Variants in STIP1 observed in about 807,000 individuals in gnomAD.
STIP1 encodes stress induced phosphoprotein 1.
Under a neutral mutation model 77.4 loss-of-function variants are expected in STIP1, and 16 were observed. The ratio of observed to expected loss-of-function variants is 0.21; its 90% CI spans 0.14 to 0.31. The LOEUF (loss-of-function observed/expected upper bound fraction) is 0.31, where lower values mean the gene tolerates loss of function less well. STIP1 is among the 10% of genes least tolerant of loss of function. The probability of loss-of-function intolerance (pLI) is 1.00; values close to 1 mark genes in which losing one functional copy is unlikely to be tolerated. For missense variants in STIP1, 524 were observed against 684.8 expected (o/e 0.77, Z 2.62); for synonymous variants, 258 against 246.6 (o/e 1.05, Z -0.44).
At chr11:64,197,010 AAAG>A (rs1417849343) in intron 5 of STIP1, 4 of 445,780 alleles carry the variant, frequency 9.0e-6, no homozygotes, top group African/African-American at 8.0e-5. Flanking sequence ...CCTCTCCCCT[AAAG>A]AAGCGCTCTG....
At position 64,192,587 on chromosome 11, in the gene STIP1, C is replaced by T. The variant is rs1405123031; in HGVS notation, c.10-491C>T. 2.0e-5 allele frequency among the ~76,000 whole-genome samples: 3 copies of T among 152,344 alleles called. No homozygotes were observed. The East Asian group carries it at 5.8e-4, about 29-fold the overall frequency. On this transcript the variant is annotated intron_variant, in intron 1 of 13. Coordinates refer to ENST00000305218, the MANE Select transcript of STIP1 (RefSeq NM_006819.3). ...AGATGACAACTATGCCATAGGCAAG[C>T]ATCTTGCCGCTCCCAAGAAAGAGAA... is the stretch of plus-strand genomic sequence containing the variant.
rs1178209658 is a variant in STIP1, at chr11:64,200,255, T to C, written c.1207T>C (p.Cys403Arg). 6.2e-7 allele frequency: 1 copy of C among 1,613,928 alleles called. No homozygotes were observed. Among genetic ancestry groups the C allele is most frequent in the Non-Finnish European group, 8.5e-7 (1 of 1,179,984 alleles). ...DAKLYSNRAA[C>R]YTKLLEFQLA... is the part of the protein sequence containing the mutation. ...CAAATTATACAGCAATCGAGCTGCC[T>C]GCTACACCAAACTCCTGGAGTTCCA... The change falls in exon 10 of 14, where the codon TGC becomes CGC. Residue 403 changes from cysteine to arginine, a missense_variant. Cys to Arg is a radical substitution (Grantham distance 180). Coordinates refer to ENST00000305218, the MANE Select transcript of STIP1 (RefSeq NM_006819.3).
At position 64,203,160 on chromosome 11, in the gene STIP1, G is replaced by A; in HGVS notation, c.1318G>A (p.Ala440Thr). The A allele has an allele frequency of 6.2e-7, 1 of 1,614,250 alleles. No homozygotes were observed. The highest frequency in any genetic ancestry group is 8.5e-7 in the Non-Finnish European group (1 of 1,180,050). The change falls in exon 12 of 14, where the codon GCG becomes ACG. Residue 440 changes from alanine to threonine, a missense_variant. Coordinates refer to ENST00000305218, the MANE Select transcript of STIP1 (RefSeq NM_006819.3). ...TACACGGAAAGCCGCTGCGCTGGAA[G>A]CGATGAAGGACTACACCAAAGCCAT... ...GYTRKAAALE[A>T]MKDYTKAMDV...
chr11:64,198,732 G>A lies in STIP1; in HGVS notation c.1023+758G>A, dbSNP rs550856321. Among the ~76,000 whole-genome samples, 6 of 143,120 alleles carry A rather than the reference G, an allele frequency of 4.2e-5. No homozygotes were observed. In the South Asian group the frequency reaches 1.3e-3, roughly 32 times the overall value. The allele number at this position is 143,120 out of a possible 152,430, so 93.9% of individuals were successfully genotyped here. A position where few individuals can be genotyped will look rare whatever the true frequency, so the allele number is the denominator to read the frequency against. On this transcript the variant is annotated intron_variant, in intron 8 of 13. Transcript: ENST00000305218. ...TTAACAGTGACAACATGTAGGAAGT[G>A]ATCTGGTGTTTTTTTTTGTGGTTTT... is the stretch of plus-strand genomic sequence containing the variant.
chr11:64,186,232 A>ATTCAACGGGG lies in STIP1; in HGVS notation c.-26_-17dup, dbSNP rs1555040535. ...TGGGAACGCGGAGCGGACGGATTCG[A>ATTCAACGGGG]TTCAACGGGGTTCCGGACCGCGCTG... is the stretch of plus-strand genomic sequence containing the variant. On this transcript the variant is annotated 5_prime_UTR_variant, in exon 1 of 14. Transcript: ENST00000305218. 2.0e-6 allele frequency: 3 copies of ATTCAACGGGG among 1,537,656 alleles called. No homozygotes were observed. In the African/African-American group the frequency reaches 4.2e-5, roughly 21 times the overall value.
rs371481270 is a variant in STIP1, at chr11:64,198,753, G to GTTTTT, written c.1023+794_1023+798dup. ...AAGTGATCTGGTGTTTTTTTTTGTG[G>GTTTTT]TTTTTTTTTTTTTTTTTTTGCAGTT... On this transcript the variant is annotated intron_variant, in intron 8 of 13. Coordinates refer to ENST00000305218, the MANE Select transcript of STIP1 (RefSeq NM_006819.3). Among the ~76,000 whole-genome samples the GTTTTT allele has an allele frequency of 8.0e-4, 89 of 111,010 alleles. 2 individuals carry two copies. Among genetic ancestry groups the GTTTTT allele is most frequent in the Non-Finnish European group, 1.2e-3 (65 of 56,162 alleles). 72.8% of individuals were successfully genotyped at this position (111,010 alleles called of 152,430 possible).
chr11:64,186,500 C>T (rs985813100), intron 1 of STIP1: 12 of 382,048 alleles, frequency 3.1e-5, no homozygotes, highest in African/African-American at 2.1e-4. Flanking sequence ...GCGAGGAGGG[C>T]CCGGCGGAGG....
chr11:64,204,268 G>C lies in STIP1; in HGVS notation c.*142G>C, dbSNP rs942582324. 24 of 819,828 alleles carry C rather than the reference G, an allele frequency of 2.9e-5. No individual in the cohort carries two copies. In the African/African-American group the frequency reaches 3.4e-4, roughly 12 times the overall value. 50.8% of individuals were successfully genotyped at this position (819,828 alleles called of 1,614,324 possible). A position where few individuals can be genotyped will look rare whatever the true frequency, so the allele number is the denominator to read the frequency against. On this transcript the variant is annotated 3_prime_UTR_variant, in exon 14 of 14. Coordinates refer to ENST00000305218, the MANE Select transcript of STIP1 (RefSeq NM_006819.3). ...TATACATAACCCCGGGGAAGACACA[G>C]AGACTCGTACCTGCGCTGTTTGTGC...
chr11:64,186,230 C>T lies in STIP1; in HGVS notation c.-32C>T, dbSNP rs534592891. On this transcript the variant is annotated 5_prime_UTR_variant, in exon 1 of 14. Transcript: ENST00000305218. Reference sequence around the variant, plus strand: ...GTTGGGAACGCGGAGCGGACGGATTCGATTCAACGGGGTTCCGGACCGCGC... The same window carrying T: ...GTTGGGAACGCGGAGCGGACGGATTTGATTCAACGGGGTTCCGGACCGCGC... 18 of 1,548,952 alleles carry T rather than the reference C, an allele frequency of 1.2e-5. No individual in the cohort carries two copies. The East Asian group carries it at 2.7e-4, about 23-fold the overall frequency.
chr11:64,185,826 T>C (rs914183275), upstream of STIP1: 12 of 1,535,910 alleles, frequency 7.8e-6, no homozygotes, highest in African/African-American at 1.6e-4. Flanking sequence ...GGTTCCGACA[T>C]GGAGTCCGGC....
At chr11:64,203,946 C>T in intron 13 of STIP1, 108 bp from the exon 14 acceptor site, 3 of 1,354,200 alleles carry the variant, frequency 2.2e-6, no homozygotes, top group Non-Finnish European at 3.1e-6. Context: ...CGCCAGGACC[C>T]CTCCCTGCCG....
intron 1 of STIP1, among the ~76,000 whole-genome samples, chr11:64,190,812 T>C (rs1210581982): frequency 6.6e-6 from 1 of 151,780 alleles, no homozygotes; most frequent in Admixed American, 6.6e-5. Context: ...CTGGGCAATA[T>C]GGTGAGACAC....
Position 64,186,224 on chromosome 11 carries a change from C to A in STIP1, c.-38C>A, listed in dbSNP as rs759277826. ...CGTGCGGTTGGGAACGCGGAGCGGA[C>A]GGATTCGATTCAACGGGGTTCCGGA... On this transcript the variant is annotated 5_prime_UTR_variant, in exon 1 of 14. Transcript: ENST00000305218. The A allele has an allele frequency of 3.2e-6, 5 of 1,544,590 alleles. No individual in the cohort carries two copies. The Admixed American group carries it at 7.9e-5, about 24-fold the overall frequency.
chr11:64,203,299 C>T (rs549027644), intron 12 of STIP1, 71 bp downstream of exon 12: 20 of 1,591,478 alleles, frequency 1.3e-5, no homozygotes, highest in Admixed American at 1.7e-5. Flanking sequence ...ATGTTCAGTC[C>T]CTGATTTCTT....
At chr11:64,197,792 T>C in intron 7 of STIP1, 62 bp from the exon 8 acceptor site, 1 of 1,587,770 alleles carries the variant, frequency 6.3e-7, no homozygotes, top group Non-Finnish European at 8.6e-7. Context: ...AGGTGTGTTT[T>C]TCTGCAGGAG....
In STIP1 at chr11:64,202,908, C is replaced by G. The variant is rs61734556; in HGVS notation, c.1278C>G (p.Thr426=). 1 of 1,614,198 alleles carries G rather than the reference C, an allele frequency of 6.2e-7. No homozygotes were observed. The highest frequency in any genetic ancestry group is 8.5e-7 in the Non-Finnish European group (1 of 1,180,030). Residue 426 remains threonine, a synonymous_variant, in exon 11 of 14, where the codon ACC becomes ACG. Coordinates refer to ENST00000305218, the MANE Select transcript of STIP1 (RefSeq NM_006819.3). ...DCEECIQLEP[T]FIKGYTRKAA... ...AGGAATGTATCCAGCTGGAGCCGAC[C>G]TTCAGTAAGTGCCTTTCTGCTGCCT...
At chr11:64,195,451 T>A (rs1946138557) in intron 4 of STIP1, among the ~76,000 whole-genome samples, 194 bp from the exon 5 acceptor site, 1 of 152,168 alleles carries the variant, frequency 6.6e-6, no homozygotes. Flanking sequence ...TTGTTGACTC[T>A]ATTTTAGATA....
intron 1 of STIP1, among the ~76,000 whole-genome samples, chr11:64,187,198 C>A (rs1454801509): frequency 2.0e-5 from 3 of 152,100 alleles, no homozygotes; most frequent in African/African-American, 7.2e-5. Flanking sequence ...TCCTCAGTAG[C>A]TTGCGGTTAT....
At chr11:64,189,799 C>G (rs1168984589) in intron 1 of STIP1, among the ~76,000 whole-genome samples, 1 of 152,150 alleles carries the variant, frequency 6.6e-6, no homozygotes, top group Admixed American at 6.5e-5. Context: ...TTTTCTAAAG[C>G]ATAGGCAGGA....
Sources: gnomAD v4.1 joint callset for allele counts (sites outside exome capture counted in the v4.1 genomes callset) on GRCh38, gnomAD v4.1.1 for gene constraint, MANE v1.5 for transcripts, NCBI Gene and HGNC (gene_info 2026-07-23, HGNC 2026-07-21) for gene names.